Variants in ZZZ3 observed in about 807,000 individuals in gnomAD.
ZZZ3 encodes zinc finger ZZ-type containing 3, also known as ZZ-type zinc finger-containing protein 3.
In ZZZ3, 22 loss-of-function variants were observed where a neutral mutation model predicts 95.2. That is an observed-to-expected ratio of 0.23 (90% CI 0.17 to 0.33). The LOEUF (loss-of-function observed/expected upper bound fraction) is 0.33, where lower values mean the gene tolerates loss of function less well. Among genes scored for constraint, ZZZ3 ranks in the 10% least tolerant of loss-of-function variants. ZZZ3 has a pLI of 1.00. For synonymous variants in ZZZ3, 335 were observed against 358.9 expected, an observed-to-expected ratio of 0.93 and a Z score of 0.75; for missense variants, 885 against 1,066.5, an observed-to-expected ratio of 0.83 and a Z score of 2.37.
chr1:77,675,745 A>G (rs1288965190), intron 1 of ZZZ3, among the ~76,000 whole-genome samples: 1 of 152,224 alleles, frequency 6.6e-6, no homozygotes, highest in Admixed American at 6.5e-5. Context: ...TGTAGCCATC[A>G]CAATTTCAAA....
chr1:77,634,895 CCTAA>C (rs1469012795), intron 4 of ZZZ3, among the ~76,000 whole-genome samples: 1 of 152,126 alleles, frequency 6.6e-6, no homozygotes, highest in East Asian at 1.9e-4. Context: ...CATTTTATTT[CCTAA>C]CTTTGAATGA....
At chr1:77,591,166 T>C (rs112872059) in intron 5 of ZZZ3, among the ~76,000 whole-genome samples, 1 of 152,026 alleles carries the variant, frequency 6.6e-6, no homozygotes, top group Non-Finnish European at 1.5e-5. Flanking sequence ...ATATATGTTA[T>C]GCAGCACGCA....
chr1:77,619,686 A>T (rs1452895799), intron 5 of ZZZ3, among the ~76,000 whole-genome samples: 2 of 152,200 alleles, frequency 1.3e-5, no homozygotes, highest in Non-Finnish European at 2.9e-5. Context: ...TTATATGACC[A>T]TGTAAAAACA....
At chr1:77,601,606 G>A (rs988049153) in intron 5 of ZZZ3, among the ~76,000 whole-genome samples, 7 of 152,148 alleles carry the variant, frequency 4.6e-5, no homozygotes, top group Non-Finnish European at 1.0e-4. Context: ...TCCCAAAAGG[G>A]ATAGGACCCA....
At chr1:77,649,441 T>C (rs559193601) in intron 1 of ZZZ3, among the ~76,000 whole-genome samples, 3 of 151,716 alleles carry the variant, frequency 2.0e-5, no homozygotes, top group East Asian at 1.9e-4. Context: ...AAACTTAAAA[T>C]AGTAAAAAAC....
intron 1 of ZZZ3, among the ~76,000 whole-genome samples, chr1:77,648,026 A>G (rs553509433): frequency 6.6e-6 from 1 of 152,302 alleles, no homozygotes; most frequent in South Asian, 2.1e-4. Context: ...ATCCAGCTCC[A>G]AACAAGGTAA....
In ZZZ3 at chr1:77,655,490, G is replaced by A. The variant is rs145058812; in HGVS notation, c.-402-13835C>T. 7.2e-5 allele frequency among the ~76,000 whole-genome samples: 11 copies of A among 152,278 alleles called. No individual in the cohort carries two copies. The East Asian group carries it at 1.4e-3, about 19-fold the overall frequency. ...CCACTTATAAACCAGGAACTGGGCC[G>A]TTGCCAACACTTAATCTGCCCTTGG... On this transcript the variant is annotated intron_variant, in intron 1 of 14. Transcript: ENST00000370801.
intron 1 of ZZZ3, among the ~76,000 whole-genome samples, chr1:77,658,477 G>A (rs1304005478): frequency 6.7e-6 from 1 of 149,826 alleles, no homozygotes; most frequent in African/African-American, 2.5e-5. Context: ...AAGTAGCTGG[G>A]ACCTATAGTC....
rs997792050 is a variant in ZZZ3 at position 77,660,029 on chromosome 1, A to C, written c.-402-18374T>G. Among the ~76,000 whole-genome samples, 7 of 152,194 alleles carry C rather than the reference A, an allele frequency of 4.6e-5. 1 individual carries two copies. Among genetic ancestry groups the C allele is most frequent in the Non-Finnish European group, 8.8e-5 (6 of 67,990 alleles). ...TAAATTTTTATAGAAACAGGGTCTC[A>C]CTATGTTGCCCAGGCTGGAGTGGTA... On this transcript the variant is annotated intron_variant, in intron 1 of 14. Coordinates refer to ENST00000370801, the MANE Select transcript of ZZZ3 (RefSeq NM_015534.6).
At chr1:77,625,096 C>G (rs1391716283) in intron 5 of ZZZ3, among the ~76,000 whole-genome samples, 1 of 152,064 alleles carries the variant, frequency 6.6e-6, no homozygotes, top group Non-Finnish European at 1.5e-5. Flanking sequence ...CTGTACACTT[C>G]TATAAAAAAT....
intron 1 of ZZZ3, among the ~76,000 whole-genome samples, chr1:77,654,056 C>T (rs1374698638): frequency 2.0e-5 from 3 of 151,682 alleles, no homozygotes; most frequent in African/African-American, 7.3e-5. Context: ...GGTGTGGTAG[C>T]AGGCGCCTGT....
At chr1:77,652,559 C>T (rs1285786692) in intron 1 of ZZZ3, among the ~76,000 whole-genome samples, 2 of 152,164 alleles carry the variant, frequency 1.3e-5, no homozygotes, top group East Asian at 3.8e-4. Flanking sequence ...GTTAGACATA[C>T]AATTACCATA....
intron 1 of ZZZ3, among the ~76,000 whole-genome samples, chr1:77,650,905 G>T (rs1669745254): frequency 6.6e-6 from 1 of 152,072 alleles, no homozygotes; most frequent in Non-Finnish European, 1.5e-5. Flanking sequence ...TAAAAAGATG[G>T]TTCTATAGAT....
Position 77,661,803 on chromosome 1 carries a change from C to G in ZZZ3, c.-402-20148G>C, listed in dbSNP as rs1055334273. ...CCTTTTCATCTCTTGATTATAGTTT[C>G]AAATTGCTAACAAGGAATTTTTTTT... On this transcript the variant is annotated intron_variant, in intron 1 of 14. Transcript: ENST00000370801. Among the ~76,000 whole-genome samples, 11 of 152,018 alleles carry G rather than the reference C, an allele frequency of 7.2e-5. 1 individual carries two copies. Among genetic ancestry groups the G allele is most frequent in the Non-Finnish European group, 1.5e-4 (10 of 67,994 alleles).
Position 77,593,298 on chromosome 1 carries a change from A to G in ZZZ3, c.1506-8643T>C, listed in dbSNP as rs553897114. Among the ~76,000 whole-genome samples the G allele has an allele frequency of 1.4e-4, 21 of 152,350 alleles. No individual in the cohort carries two copies. The South Asian group carries it at 4.1e-3, about 30-fold the overall frequency. On this transcript the variant is annotated intron_variant, in intron 5 of 14. Transcript: ENST00000370801. ...CAAGAAACTCTTGAATATACACAGT[A>G]TAAGACATATGTTCATAGCAGCCTT...
chr1:77,578,314 T>G (rs967802200), intron 11 of ZZZ3, among the ~76,000 whole-genome samples: 1 of 152,184 alleles, frequency 6.6e-6, no homozygotes, highest in Admixed American at 6.6e-5. Flanking sequence ...CCTCAAGTGT[T>G]CCTCGTGCCT....
chr1:77,590,430 T>C (rs1302177370), intron 5 of ZZZ3, among the ~76,000 whole-genome samples: 1 of 152,228 alleles, frequency 6.6e-6, no homozygotes, highest in African/African-American at 2.4e-5. Context: ...TAAAGTTTTA[T>C]TGGAACATAG....
At chr1:77,595,491 T>G (rs1664130083) in intron 5 of ZZZ3, among the ~76,000 whole-genome samples, 1 of 152,040 alleles carries the variant, frequency 6.6e-6, no homozygotes, top group African/African-American at 2.4e-5. Context: ...CTTATCAGGC[T>G]TTTAGTTTCC....
intron 1 of ZZZ3, among the ~76,000 whole-genome samples, chr1:77,647,725 G>T (rs966792465): frequency 6.6e-6 from 1 of 151,846 alleles, no homozygotes; most frequent in Non-Finnish European, 1.5e-5. Context: ...TTTAACAATC[G>T]GCTCTCATGA....
Sources: gnomAD v4.1 joint callset for allele counts (sites outside exome capture counted in the v4.1 genomes callset) on GRCh38, gnomAD v4.1.1 for gene constraint, MANE v1.5 for transcripts, NCBI Gene and HGNC (gene_info 2026-07-23, HGNC 2026-07-21) for gene names.